Variants in PFDN1 observed in about 807,000 individuals in gnomAD.
PFDN1 encodes the protein prefoldin subunit 1.
PFDN1 carries 6 observed loss-of-function variants against 17.3 expected under a neutral mutation model. The observed-to-expected ratio is 0.35, with a 90% CI of 0.19 to 0.69. The LOEUF is 0.69. Ranked by LOEUF, PFDN1 falls within the 30% of genes least tolerant of loss-of-function variation. PFDN1 has a pLI of 0.65. For missense variants in PFDN1, 113 were observed against 146.2 expected (o/e 0.77, Z 1.17); for synonymous variants, 58 against 50.1 (o/e 1.16, Z -0.67).
In PFDN1 at chr5:140,300,333, C is replaced by T. The variant is rs536097671; in HGVS notation, c.200+83G>A. ...CATGAGCCACCACTCCTGGCCTAAC[C>T]CAAGTTTTAAGATGAACAAATTCTA... On this transcript the variant is annotated intron_variant, in intron 2 of 3. Coordinates refer to ENST00000261813, the MANE Select transcript of PFDN1 (RefSeq NM_002622.5). 338 of 1,124,304 alleles carry T rather than the reference C, an allele frequency of 3.0e-4. 1 individual carries two copies. In the South Asian group the frequency reaches 4.7e-3, roughly 16 times the overall value. The allele number at this position is 1,124,304 out of a possible 1,614,324, so 69.6% of individuals were successfully genotyped here. A position where few individuals can be genotyped will look rare whatever the true frequency, so the allele number is the denominator to read the frequency against.
At chr5:140,278,293 C>A (rs6898707) in intron 3 of PFDN1, among the ~76,000 whole-genome samples, 34,349 of 151,134 alleles carry the variant, frequency 0.23, 4,350 homozygotes, top group South Asian at 0.47. Context: ...CCCAGTCAGG[C>A]ATGGTGGCTC....
intron 3 of PFDN1, among the ~76,000 whole-genome samples, chr5:140,271,680 A>G (rs968748928): frequency 2.6e-5 from 4 of 152,066 alleles, no homozygotes; most frequent in African/African-American, 9.7e-5. Flanking sequence ...AACTGTAAAA[A>G]TACTCCATGA....
In PFDN1 at chr5:140,245,715, C is replaced by G; in HGVS notation, c.*259G>C. On this transcript the variant is annotated 3_prime_UTR_variant, in exon 4 of 4. Transcript: ENST00000261813. The stretch of plus-strand genomic sequence containing the variant: ...CAGAGCTTCCTATCTTGCCCTGGCT[C>G]CCATCTTCCCTCTCCTGGGAGTTCA... 1 of 614,922 alleles carries G rather than the reference C, an allele frequency of 1.6e-6. No homozygotes were observed. The highest frequency in any genetic ancestry group is 2.9e-6 in the Non-Finnish European group (1 of 345,930). 38.1% of individuals were successfully genotyped at this position (614,922 alleles called of 1,614,324 possible). A position where few individuals can be genotyped will look rare whatever the true frequency, so the allele number is the denominator to read the frequency against.
chr5:140,299,863 T>C (rs974741361), intron 2 of PFDN1, among the ~76,000 whole-genome samples: 1 of 151,498 alleles, frequency 6.6e-6, no homozygotes, highest in African/African-American at 2.4e-5. Flanking sequence ...AACACAAAAA[T>C]TAGCAGGGCG....
chr5:140,297,460 A>G (rs1411455757), intron 2 of PFDN1, among the ~76,000 whole-genome samples: 1 of 152,212 alleles, frequency 6.6e-6, no homozygotes, highest in African/African-American at 2.4e-5. Flanking sequence ...CGCTAGCCAA[A>G]CAACAAACGC....
chr5:140,264,426 A>C (rs556988980), intron 3 of PFDN1, among the ~76,000 whole-genome samples: 2 of 152,376 alleles, frequency 1.3e-5, no homozygotes, highest in East Asian at 3.9e-4. Flanking sequence ...TACTATGCCA[A>C]GGCATTATGC....
intron 3 of PFDN1, among the ~76,000 whole-genome samples, chr5:140,275,437 G>A (rs1357835471): frequency 6.6e-6 from 1 of 151,376 alleles, no homozygotes; most frequent in African/African-American, 2.4e-5. Context: ...CAGTGCTTGT[G>A]TTTATTCTGC....
intron 3 of PFDN1, among the ~76,000 whole-genome samples, chr5:140,256,500 T>C (rs185099089): frequency 6.6e-6 from 1 of 152,198 alleles, no homozygotes; most frequent in East Asian, 1.9e-4. Context: ...TATCCAATTA[T>C]TTATAAAACA....
At chr5:140,258,870 T>C (rs1232816017) in intron 3 of PFDN1, among the ~76,000 whole-genome samples, 1 of 151,826 alleles carries the variant, frequency 6.6e-6, no homozygotes, top group Non-Finnish European at 1.5e-5. Context: ...GGCTCTGGAG[T>C]TCATGGAAGA....
At chr5:140,267,316 A>G (rs1765146908) in intron 3 of PFDN1, among the ~76,000 whole-genome samples, 1 of 152,026 alleles carries the variant, frequency 6.6e-6, no homozygotes. Context: ...CACCACACTC[A>G]CTCTCCCTCT....
At chr5:140,302,890 C>A (rs952535643) in intron 1 of PFDN1, 151 bp downstream of exon 1, 9 of 709,984 alleles carry the variant, frequency 1.3e-5, no homozygotes, top group Non-Finnish European at 2.3e-5. Flanking sequence ...TTTATGGAGA[C>A]CCAGTGAGGC....
At chr5:140,301,742 A>C (rs183923195) in intron 1 of PFDN1, among the ~76,000 whole-genome samples, 1 of 152,252 alleles carries the variant, frequency 6.6e-6, no homozygotes, top group Non-Finnish European at 1.5e-5. Context: ...CAATAAATTC[A>C]AAAGTACCGG....
chr5:140,270,077 T>C (rs987047969), intron 3 of PFDN1, among the ~76,000 whole-genome samples: 1 of 152,182 alleles, frequency 6.6e-6, no homozygotes, highest in African/African-American at 2.4e-5. Context: ...CTAGTATCTA[T>C]TACCTCAGGT....
intron 2 of PFDN1, among the ~76,000 whole-genome samples, chr5:140,282,403 CA>C (rs1185182215): frequency 8.4e-6 from 1 of 118,880 alleles, no homozygotes; most frequent in Non-Finnish European, 1.7e-5. Context: ...AGCGCCCCTC[CA>C]TTTTTTTTTT....
intron 2 of PFDN1, among the ~76,000 whole-genome samples, chr5:140,288,397 C>T (rs1765529700): frequency 6.6e-6 from 1 of 151,848 alleles, no homozygotes; most frequent in African/African-American, 2.4e-5. Flanking sequence ...TCAGTGGTCA[C>T]CAGGGAAGAC....
At position 140,254,507 on chromosome 5, in the gene PFDN1, C is replaced by T. The variant is rs188378401; in HGVS notation, c.286-8450G>A. Among the ~76,000 whole-genome samples, 56 of 152,210 alleles carry T rather than the reference C, an allele frequency of 3.7e-4. No individual in the cohort carries two copies. Among genetic ancestry groups the T allele is most frequent in the Middle Eastern group, 3.4e-3 (1 of 294 alleles). ...ATCTTCCAGTATCCTGGGCACTATC[C>T]GTCATCATCAGTGGCTCCCTGTCTC... On this transcript the variant is annotated intron_variant, in intron 3 of 3. Coordinates refer to ENST00000261813, the MANE Select transcript of PFDN1 (RefSeq NM_002622.5). The surrounding 1 kb of genome is among the most constrained non-coding windows in gnomAD (Gnocchi z 4.4).
chr5:140,249,111 G>T (rs1051992941), intron 3 of PFDN1, among the ~76,000 whole-genome samples: 3 of 152,236 alleles, frequency 2.0e-5, no homozygotes, highest in African/African-American at 4.8e-5. Flanking sequence ...AAGCCCAGAA[G>T]ACTCTCATCA....
chr5:140,299,457 G>A (rs1379086708), intron 2 of PFDN1, among the ~76,000 whole-genome samples: 3 of 151,896 alleles, frequency 2.0e-5, no homozygotes, highest in Admixed American at 1.3e-4. Flanking sequence ...AAAATTAGCC[G>A]GGCATGGTAG....
intron 3 of PFDN1, among the ~76,000 whole-genome samples, chr5:140,279,985 A>G (rs1173771701): frequency 1.4e-5 from 2 of 143,868 alleles, no homozygotes; most frequent in African/African-American, 2.6e-5. Context: ...ACAAGAGCGA[A>G]ACTCCGTCTC....
Sources: allele counts gnomAD v4.1 joint callset (sites outside exome capture counted in the v4.1 genomes callset), GRCh38; gene constraint gnomAD v4.1.1; non-coding constraint Gnocchi (gnomAD v3.1); transcripts MANE v1.5; gene names NCBI Gene and HGNC (gene_info 2026-07-23, HGNC 2026-07-21).